Variants in PAAF1 observed in about 807,000 individuals in gnomAD.
PAAF1 encodes the protein proteasomal ATPase-associated factor 1.
PAAF1 carries 46 observed loss-of-function variants against 52.8 expected under a neutral mutation model. The observed-to-expected ratio is 0.87, with a 90% CI of 0.69 to 1.11. The LOEUF (loss-of-function observed/expected upper bound fraction) is 1.11. Ranked by LOEUF, PAAF1 falls within the 50% of genes most tolerant of loss-of-function variation. The pLI, the probability that PAAF1 is intolerant of heterozygous loss-of-function variation, is 0.00. For missense variants in PAAF1, 424 were observed against 477.4 expected (o/e 0.89, Z 1.04); for synonymous variants, 178 against 172.8 (o/e 1.03, Z -0.24).
At position 73,931,077 on chromosome 11, in the gene PAAF1, A is replaced by T. The variant is rs1309760700; in HGVS notation, c.*3715A>T. ...TGGCCCATAATTATAAACAAGTATAAATTGTCCATTTACAATTAAAAATCA... is the reference window on the plus strand; with the variant it reads ...TGGCCCATAATTATAAACAAGTATATATTGTCCATTTACAATTAAAAATCA... On this transcript the variant is annotated 3_prime_UTR_variant, in exon 12 of 12. Transcript: ENST00000310571. 2.6e-5 allele frequency: 4 copies of T among 152,192 alleles called. No individual in the cohort carries two copies. Among genetic ancestry groups the T allele is most frequent in the Non-Finnish European group, 4.4e-5 (3 of 68,046 alleles). The allele number at this position is 152,192 out of a possible 1,614,324, so 9.4% of individuals were successfully genotyped here.
At chr11:73,919,776 C>T (rs922796779) in intron 10 of PAAF1, among the ~76,000 whole-genome samples, 1 of 152,144 alleles carries the variant, frequency 6.6e-6, no homozygotes, top group Non-Finnish European at 1.5e-5. Context: ...ACTATACAGC[C>T]TGGAGGGACT....
intron 4 of PAAF1, among the ~76,000 whole-genome samples, chr11:73,893,645 G>C (rs1387057495): frequency 1.4e-5 from 2 of 147,226 alleles, no homozygotes; most frequent in Non-Finnish European, 3.0e-5. Context: ...GTTGAGGCAG[G>C]AGAATCGCTT....
In PAAF1 at chr11:73,900,307, G is replaced by C; in HGVS notation, c.419G>C (p.Cys140Ser). Residue 140 changes from cysteine to serine, a missense_variant, in exon 6 of 12, where the codon TGC (cysteine) becomes TCC (serine). Transcript: ENST00000310571. ...GGACATGTGTTTGATGTGAATTGTT[G>C]CAGGTTTTTCCCATCAGGCCTTGTG... ...LEGHVFDVNC[C>S]RFFPSGLVVL... is the part of the protein sequence containing the mutation. The C allele has an allele frequency of 6.2e-7, 1 of 1,611,744 alleles. No individual in the cohort carries two copies. Among genetic ancestry groups the C allele is most frequent in the Non-Finnish European group, 8.5e-7 (1 of 1,178,632 alleles).
chr11:73,894,488 A>C (rs1446349111), intron 4 of PAAF1, among the ~76,000 whole-genome samples: 1 of 152,112 alleles, frequency 6.6e-6, no homozygotes, highest in Non-Finnish European at 1.5e-5. Context: ...AAAAATATAA[A>C]AATCGGAGGG....
At chr11:73,900,075 T>C (rs566196461) in intron 5 of PAAF1, among the ~76,000 whole-genome samples, 195 bp from the exon 6 acceptor site, 27 of 152,144 alleles carry the variant, frequency 1.8e-4, no homozygotes, top group South Asian at 1.5e-3. Flanking sequence ...TATAGCTGAA[T>C]TCGAGGAAAC....
At chr11:73,877,242 G>A in intron 1 of PAAF1, 174 bp downstream of exon 1, 1 of 597,894 alleles carries the variant, frequency 1.7e-6, no homozygotes, top group Non-Finnish European at 2.6e-6. Flanking sequence ...GTCATTCTCT[G>A]AAAAGCTATC....
intron 2 of PAAF1, among the ~76,000 whole-genome samples, chr11:73,881,768 G>A (rs1330802096): frequency 6.6e-6 from 1 of 151,932 alleles, no homozygotes; most frequent in African/African-American, 2.4e-5. Flanking sequence ...GTGCAGTGGT[G>A]CAATCTTGGC....
intron 4 of PAAF1, among the ~76,000 whole-genome samples, chr11:73,897,087 C>T (rs1949405873): frequency 1.5e-5 from 2 of 134,386 alleles, no homozygotes; most frequent in Non-Finnish European, 1.6e-5. Flanking sequence ...CCAGACGGGG[C>T]GGCTGGCCGG....
chr11:73,898,328 G>A (rs1182659086), intron 4 of PAAF1, among the ~76,000 whole-genome samples: 1 of 151,980 alleles, frequency 6.6e-6, no homozygotes, highest in Non-Finnish European at 1.5e-5. Flanking sequence ...TTGTGTAAGT[G>A]GGTTCCTAAG....
chr11:73,915,165 G>C (rs74944195), intron 8 of PAAF1, among the ~76,000 whole-genome samples: 1,586 of 152,292 alleles, frequency 0.01, 32 homozygotes, highest in African/African-American at 0.035. Flanking sequence ...TATGTGATGA[G>C]GATTAAATGG....
chr11:73,926,115 C>T (rs10128615), intron 11 of PAAF1, among the ~76,000 whole-genome samples: 33,609 of 149,970 alleles, frequency 0.22, 4,146 homozygotes, highest in African/African-American at 0.34. Context: ...TTCTTTCTTT[C>T]TTTTTTTTGA....
At chr11:73,919,844 C>G (rs1179699010) in intron 10 of PAAF1, among the ~76,000 whole-genome samples, 1 of 152,136 alleles carries the variant, frequency 6.6e-6, no homozygotes, top group African/African-American at 2.4e-5. Context: ...CTGTTATTTA[C>G]AGAACACCCA....
At chr11:73,893,566 G>A (rs567547845) in intron 4 of PAAF1, among the ~76,000 whole-genome samples, 4 of 151,192 alleles carry the variant, frequency 2.6e-5, no homozygotes, top group Non-Finnish European at 4.4e-5. Context: ...GCGAAACCCC[G>A]TCTCTGTTAA....
intron 2 of PAAF1, chr11:73,879,461 G>A (rs1046127722): frequency 2.6e-5 from 4 of 152,108 alleles, no homozygotes; most frequent in South Asian, 2.1e-4. Context: ...TTGTAACCGA[G>A]GTGGTACCAT....
At chr11:73,919,540 G>C (rs183847696) in intron 10 of PAAF1, among the ~76,000 whole-genome samples, 6 of 152,180 alleles carry the variant, frequency 3.9e-5, no homozygotes, top group African/African-American at 1.4e-4. Flanking sequence ...TGAGGCAAGC[G>C]GGGGCAAAAG....
chr11:73,888,626 CTTTG>C (rs887799300), intron 3 of PAAF1, among the ~76,000 whole-genome samples: 6 of 152,124 alleles, frequency 3.9e-5, no homozygotes, highest in African/African-American at 1.4e-4. Context: ...ATAGAGAATA[CTTTG>C]TTTTTTACAT....
chr11:73,912,845 A>G (rs567780838), intron 7 of PAAF1, among the ~76,000 whole-genome samples: 56 of 152,228 alleles, frequency 3.7e-4, no homozygotes, highest in African/African-American at 1.3e-3. Context: ...TTCTTCTTTC[A>G]GTACAGTAGA....
In PAAF1 at chr11:73,909,418, C is replaced by T. The variant is rs557000641; in HGVS notation, c.552C>T (p.Ile184=). The T allele has an allele frequency of 5.6e-6, 9 of 1,613,976 alleles. No individual in the cohort carries two copies. Among genetic ancestry groups the T allele is most frequent in the African/African-American group, 4.0e-5 (3 of 75,008 alleles). Residue 184 remains isoleucine (I), a synonymous_variant, in exon 7 of 12, where the codon ATC becomes ATT. Transcript: ENST00000310571. ...TGCTAGGTATCCTGGATACAGCCAT[C>T]GTTGATCGGGGGAGGAATGTGGTGT... The part of the protein sequence containing the change: ...GHKGGILDTA[I]VDRGRNVVSA...
chr11:73,911,434 T>G (rs574437768), intron 7 of PAAF1, among the ~76,000 whole-genome samples: 1 of 152,038 alleles, frequency 6.6e-6, no homozygotes, highest in East Asian at 1.9e-4. Flanking sequence ...TCTCCCATCT[T>G]AGCCTCCCAA....
Sources: gnomAD v4.1 joint callset for allele counts (sites outside exome capture counted in the v4.1 genomes callset) on GRCh38, gnomAD v4.1.1 for gene constraint, MANE v1.5 for transcripts, NCBI Gene and HGNC (gene_info 2026-07-23, HGNC 2026-07-21) for gene names.